Variants in TMEM53 observed in about 807,000 individuals in gnomAD.
TMEM53 encodes transmembrane protein 53, also known as novel DUF829 domain-containing protein.
A neutral mutation model predicts 21.4 loss-of-function variants in TMEM53; 14 were observed. The observed-to-expected ratio is 0.65, with a 90% CI of 0.43 to 1.02. TMEM53 has a LOEUF of 1.02. Ranked by LOEUF, TMEM53 falls within the 50% of genes least tolerant of loss-of-function variation. The pLI, the probability that TMEM53 is intolerant of heterozygous loss-of-function variation, is 0.00. For synonymous variants in TMEM53, 148 were observed against 157.4 expected (o/e 0.94, Z 0.45); for missense variants, 323 against 383.6 (o/e 0.84, Z 1.32).
At chr1:44,669,958 C>T (rs182140365) in intron 1 of TMEM53, among the ~76,000 whole-genome samples, 98 of 151,846 alleles carry the variant, frequency 6.5e-4, no homozygotes, top group Middle Eastern at 3.4e-3. Flanking sequence ...GCCACCACAC[C>T]CGGCTAATTT....
chr1:44,673,138 A>G (rs1645026803), intron 1 of TMEM53, among the ~76,000 whole-genome samples: 2 of 152,232 alleles, frequency 1.3e-5, no homozygotes, highest in Non-Finnish European at 1.5e-5. Flanking sequence ...AAGTATTTTT[A>G]CATCTATAAA....
chr1:44,660,777 G>A (rs1471857470), intron 1 of TMEM53, among the ~76,000 whole-genome samples: 2 of 151,710 alleles, frequency 1.3e-5, no homozygotes, highest in East Asian at 3.9e-4. Flanking sequence ...GAGGTCAGGA[G>A]ATTGAGACCA....
chr1:44,673,318 G>C (rs1050139607), intron 1 of TMEM53, among the ~76,000 whole-genome samples: 1 of 152,238 alleles, frequency 6.6e-6, no homozygotes, highest in Non-Finnish European at 1.5e-5. Context: ...GTTTTATGGA[G>C]AGCAGAGTAT....
chr1:44,674,312 C>G lies in TMEM53; in HGVS notation c.61+19G>C, dbSNP rs762559978. On this transcript the variant is annotated intron_variant, in intron 1 of 2. Transcript: ENST00000372237. Reference sequence around the variant, plus strand: ...ATGAGGTCACCTCCCCGCGCCTGGACCCAACCCTCATTCCATACTCTGGCT... The same window carrying G: ...ATGAGGTCACCTCCCCGCGCCTGGAGCCAACCCTCATTCCATACTCTGGCT... The G allele has an allele frequency of 2.3e-5, 37 of 1,608,008 alleles. No homozygotes were observed. Among genetic ancestry groups the G allele is most frequent in the Non-Finnish European group, 3.1e-5 (37 of 1,176,996 alleles).
At chr1:44,659,855 CTTTTTTT>C (rs35618807) in intron 2 of TMEM53, among the ~76,000 whole-genome samples, 1 of 106,942 alleles carries the variant, frequency 9.4e-6, no homozygotes. Context: ...TCCTCACAGG[CTTTTTTT>C]TTTTTTTTTT....
intron 1 of TMEM53, among the ~76,000 whole-genome samples, chr1:44,667,559 C>T (rs1189759318): frequency 2.0e-5 from 3 of 150,378 alleles, no homozygotes; most frequent in African/African-American, 7.3e-5. Context: ...CTGCCCACCT[C>T]GGCCTCCCAA....
chr1:44,658,439 C>A (rs900204003), intron 2 of TMEM53, among the ~76,000 whole-genome samples: 4 of 152,150 alleles, frequency 2.6e-5, no homozygotes, highest in Non-Finnish European at 5.9e-5. Context: ...TCTACCGACA[C>A]CCCCAACTCC....
At chr1:44,658,047 C>T (rs1433599669) in intron 2 of TMEM53, among the ~76,000 whole-genome samples, 1 of 152,128 alleles carries the variant, frequency 6.6e-6, no homozygotes, top group Non-Finnish European at 1.5e-5. Flanking sequence ...ATCTTTACCC[C>T]TGCCCTGTAC....
At chr1:44,665,367 T>C (rs1447725428) in intron 1 of TMEM53, among the ~76,000 whole-genome samples, 2 of 152,198 alleles carry the variant, frequency 1.3e-5, no homozygotes, top group African/African-American at 4.8e-5. Context: ...CCGGGCGCAG[T>C]GGCACAAGCC....
Position 44,655,002 on chromosome 1 carries a change from G to C in TMEM53, c.391C>G (p.Arg131Gly), listed in dbSNP as rs144707748. Residue 131 changes from arginine to glycine, a missense_variant, in exon 3 of 3, where the codon CGC becomes GGC. Physicochemically the swap from Arg to Gly is moderately radical, Grantham distance 125. Transcript: ENST00000372237. This position sits in a 1 kb window ranked among gnomAD's most constrained non-coding sequence, Gnocchi z 4.4. ...CCCACCACACGCAGGCGGCAGAAGC[G>C]ACGGGTCTGCAGGAGCTCCAGCACG... ...RYVLELLQTRRFCRLRVVGTI... is the reference protein window; with the variant it reads ...RYVLELLQTRGFCRLRVVGTI... The C allele has an allele frequency of 6.2e-7, 1 of 1,613,856 alleles. No homozygotes were observed. Among genetic ancestry groups the C allele is most frequent in the African/African-American group, 1.3e-5 (1 of 74,938 alleles).
intron 1 of TMEM53, 49 bp from the exon 2 acceptor site, chr1:44,660,344 G>A: frequency 1.3e-6 from 2 of 1,572,674 alleles, no homozygotes; most frequent in Non-Finnish European, 1.7e-6. Flanking sequence ...GTGGGGGCGG[G>A]GGTGACTGCC....
At chr1:44,659,709 A>G (rs1644881840) in intron 2 of TMEM53, among the ~76,000 whole-genome samples, 1 of 152,100 alleles carries the variant, frequency 6.6e-6, no homozygotes, top group Admixed American at 6.5e-5. Flanking sequence ...AGGGCACATC[A>G]AGGGTGGGCT....
intron 1 of TMEM53, chr1:44,673,853 G>A (rs1573242425): frequency 4.1e-6 from 4 of 985,370 alleles, no homozygotes; most frequent in Non-Finnish European, 4.8e-6. Context: ...AACCACTGCC[G>A]AGAAGAGTGG....
rs937103252 is a variant in TMEM53, at chr1:44,655,701, C to G, written c.184-492G>C. 1.3e-5 allele frequency among the ~76,000 whole-genome samples: 2 copies of G among 152,132 alleles called. No homozygotes were observed. Among genetic ancestry groups the G allele is most frequent in the East Asian group, 1.9e-4 (1 of 5,180 alleles). Reference sequence around the variant, plus strand: ...CCCCCATGAGACCAGTACCCGAGAGCTGGCCTGCAGGCGCCAGCCCTGACC... The same window carrying G: ...CCCCCATGAGACCAGTACCCGAGAGGTGGCCTGCAGGCGCCAGCCCTGACC... On this transcript the variant is annotated intron_variant, in intron 2 of 2. Coordinates refer to ENST00000372237, the MANE Select transcript of TMEM53 (RefSeq NM_024587.4). This position sits in a 1 kb window ranked among gnomAD's most constrained non-coding sequence, Gnocchi z 4.4.
intron 1 of TMEM53, among the ~76,000 whole-genome samples, chr1:44,670,202 TAGACA>T (rs1320507434): frequency 3.1e-5 from 4 of 129,326 alleles, no homozygotes; most frequent in Admixed American, 2.3e-4. Context: ...GGGGTCCTCG[TAGACA>T]AGACAAGGAT....
chr1:44,661,624 G>C (rs1366921947), intron 1 of TMEM53, among the ~76,000 whole-genome samples: 1 of 152,070 alleles, frequency 6.6e-6, no homozygotes, highest in Non-Finnish European at 1.5e-5. Context: ...ATTTATTGAG[G>C]TTTAACCCTT....
intron 1 of TMEM53, among the ~76,000 whole-genome samples, chr1:44,673,246 T>C (rs1308554318): frequency 6.6e-6 from 1 of 152,136 alleles, no homozygotes; most frequent in Non-Finnish European, 1.5e-5. Flanking sequence ...TCTCCTAGAC[T>C]CCAACCAAAG....
chr1:44,664,227 G>A (rs1164946014), intron 1 of TMEM53, among the ~76,000 whole-genome samples: 1 of 150,988 alleles, frequency 6.6e-6, no homozygotes, highest in African/African-American at 2.4e-5. Context: ...AAGACAAGCT[G>A]ATCACCTGAG....
In TMEM53 at chr1:44,653,267, T is replaced by C. The variant is rs573802744; in HGVS notation, c.*1292A>G. ...GTAAGCTCATTCAATCAAATATTTA[T>C]TGAATACCTACTATATGCCAACATT... On this transcript the variant is annotated 3_prime_UTR_variant, in exon 3 of 3. Coordinates refer to ENST00000372237, the MANE Select transcript of TMEM53 (RefSeq NM_024587.4). The C allele has an allele frequency of 1.3e-5, 2 of 152,382 alleles. No individual in the cohort carries two copies. The highest frequency in any genetic ancestry group is 3.8e-4 in the East Asian group (2 of 5,196). The allele number at this position is 152,382 out of a possible 1,614,324, so 9.4% of individuals were successfully genotyped here. A position where few individuals can be genotyped will look rare whatever the true frequency, so the allele number is the denominator to read the frequency against.
Sources: allele counts gnomAD v4.1 joint callset (sites outside exome capture counted in the v4.1 genomes callset), GRCh38; gene constraint gnomAD v4.1.1; non-coding constraint Gnocchi (gnomAD v3.1); transcripts MANE v1.5; gene names NCBI Gene and HGNC (gene_info 2026-07-23, HGNC 2026-07-21).